The following ARSB variants were observed in gnomAD, a reference collection of about 807,000 sequenced individuals.
ARSB encodes the protein N-acetylgalactosamine-4-sulfatase.
ARSB carries 41 observed loss-of-function variants against 50.9 expected under a neutral mutation model. The ratio of observed to expected loss-of-function variants is 0.81; its 90% CI spans 0.63 to 1.04. The LOEUF (loss-of-function observed/expected upper bound fraction) is 1.04, where lower values mean the gene tolerates loss of function less well. ARSB is among the 50% of genes least tolerant of loss of function. The pLI is 0.00. For missense variants in ARSB, 672 were observed against 693.3 expected (o/e 0.97, Z 0.35); for synonymous variants, 269 against 284.8 (o/e 0.94, Z 0.56).
chr5:78,789,112 A>C (rs73118701), intron 6 of ARSB, among the ~76,000 whole-genome samples: 1,707 of 152,370 alleles, frequency 0.011, 34 homozygotes, highest in African/African-American at 0.039. Flanking sequence ...TTGACCTTGG[A>C]AAGTATTGTA....
At chr5:78,928,446 C>G (rs1404497665) in intron 4 of ARSB, among the ~76,000 whole-genome samples, 1 of 149,374 alleles carries the variant, frequency 6.7e-6, no homozygotes, top group African/African-American at 2.5e-5. Flanking sequence ...CTCTGAGTAG[C>G]TGGGACTACA....
chr5:78,862,747 G>A (rs956470993), intron 5 of ARSB, among the ~76,000 whole-genome samples: 2 of 152,118 alleles, frequency 1.3e-5, no homozygotes, highest in African/African-American at 4.8e-5. Context: ...AGCCAAAATA[G>A]ACAAATGGGA....
At chr5:78,984,911 G>GCGCGGGCGGCGGGGGCGC (rs1345967714) in intron 1 of ARSB, 26 bp downstream of exon 1, 1 of 1,303,946 alleles carries the variant, frequency 7.7e-7, no homozygotes, top group Non-Finnish European at 9.7e-7. Context: ...GGCGGGGGCG[G>GCGCGGGCGGCGGGGGCGC]CGCGGGCGGC....
intron 4 of ARSB, among the ~76,000 whole-genome samples, chr5:78,903,188 C>T (rs889346402): frequency 6.6e-6 from 1 of 152,130 alleles, no homozygotes; most frequent in African/African-American, 2.4e-5. Context: ...CTCTGGTCAG[C>T]TGGGGAGATC....
At chr5:78,857,870 T>C (rs1581051317) in intron 5 of ARSB, among the ~76,000 whole-genome samples, 1 of 152,234 alleles carries the variant, frequency 6.6e-6, no homozygotes, top group Non-Finnish European at 1.5e-5. Context: ...TGGGGTTTCA[T>C]TTGTTTTGGC....
chr5:78,937,642 T>G (rs1420667227), intron 4 of ARSB, among the ~76,000 whole-genome samples: 1 of 151,582 alleles, frequency 6.6e-6, no homozygotes, highest in Non-Finnish European at 1.5e-5. Flanking sequence ...CTGATAAACA[T>G]AGAGATTGAG....
intron 4 of ARSB, among the ~76,000 whole-genome samples, chr5:78,938,499 C>T (rs1750738618): frequency 6.6e-6 from 1 of 152,196 alleles, no homozygotes; most frequent in Non-Finnish European, 1.5e-5. Context: ...AATGTGGACA[C>T]ACTCACTGAT....
intron 5 of ARSB, among the ~76,000 whole-genome samples, chr5:78,873,272 A>T: frequency 6.6e-6 from 1 of 152,098 alleles, no homozygotes; most frequent in Non-Finnish European, 1.5e-5. Flanking sequence ...AATCTTAGAA[A>T]TGACAAAACA....
chr5:78,825,425 A>C (rs1406744780), intron 6 of ARSB, among the ~76,000 whole-genome samples: 1 of 152,240 alleles, frequency 6.6e-6, no homozygotes, highest in African/African-American at 2.4e-5. Context: ...GGAAAGACTA[A>C]GAAAAAAATC....
chr5:78,834,607 G>GTGTGTATATATATATATATA (rs1185355030), intron 6 of ARSB, among the ~76,000 whole-genome samples: 1 of 85,602 alleles, frequency 1.2e-5, no homozygotes, highest in Non-Finnish European at 2.3e-5. Context: ...ATATATATGT[G>GTGTGTATATATATATATATA]TATATATATA....
At chr5:78,882,642 T>C (rs943365518) in intron 5 of ARSB, among the ~76,000 whole-genome samples, 2 of 152,100 alleles carry the variant, frequency 1.3e-5, no homozygotes, top group Non-Finnish European at 2.9e-5. Context: ...GTAAGTTTCT[T>C]GGATGACACA....
At chr5:78,985,858 A>G (rs1753165315), upstream of ARSB, 1 of 152,224 alleles carries the variant, frequency 6.6e-6, no homozygotes, top group African/African-American at 2.4e-5. Context: ...ACACCCATGA[A>G]GCCGCTTCCT....
chr5:78,870,602 C>A (rs1447313779), intron 5 of ARSB, among the ~76,000 whole-genome samples: 1 of 151,104 alleles, frequency 6.6e-6, no homozygotes, highest in Non-Finnish European at 1.5e-5. Flanking sequence ...AAGCCTTTGA[C>A]AAAATTCAAC....
chr5:78,850,797 C>A (rs183691402), intron 5 of ARSB, among the ~76,000 whole-genome samples: 3 of 151,980 alleles, frequency 2.0e-5, no homozygotes, highest in African/African-American at 7.2e-5. Context: ...GGAGGGTGTA[C>A]GTATCCAGTA....
intron 3 of ARSB, among the ~76,000 whole-genome samples, chr5:78,960,693 T>G (rs1302282019): frequency 6.6e-6 from 1 of 152,176 alleles, no homozygotes; most frequent in Non-Finnish European, 1.5e-5. Context: ...GCCTCCTGAC[T>G]AGCTGGGATT....
At chr5:78,847,961 T>G (rs898116412) in intron 5 of ARSB, among the ~76,000 whole-genome samples, 1 of 152,060 alleles carries the variant, frequency 6.6e-6, no homozygotes, top group African/African-American at 2.4e-5. Context: ...TTGATTCATC[T>G]AGCTAATTAT....
chr5:78,905,391 A>G (rs1749017076), intron 4 of ARSB, among the ~76,000 whole-genome samples: 1 of 126,286 alleles, frequency 7.9e-6, no homozygotes, highest in African/African-American at 2.9e-5. Context: ...TCTATTAGAC[A>G]TTTTGAATAC....
intron 6 of ARSB, among the ~76,000 whole-genome samples, chr5:78,800,411 C>A (rs542442014): frequency 1.1e-4 from 17 of 151,956 alleles, no homozygotes; most frequent in Admixed American, 1.1e-3. Flanking sequence ...CCCTCTCCAC[C>A]ATGCATTTTA....
rs1435155976 is a variant in ARSB at position 78,969,116 on chromosome 5, G to A, written c.389C>T (p.Pro130Leu). The A allele has an allele frequency of 6.8e-6, 11 of 1,614,122 alleles. No homozygotes were observed. Among genetic ancestry groups the A allele is most frequent in the Non-Finnish European group, 9.3e-6 (11 of 1,180,014 alleles). Residue 130 changes from proline to leucine, a missense_variant, in exon 2 of 8, where the codon CCC (proline) becomes CTC (leucine). By Grantham distance (98) the Pro-to-Leu change is moderately conservative. Transcript: ENST00000264914. Reference sequence around the variant, plus strand: ...ATAACCTGCTTCTTTTAGGAGCTGGGGCAGGAGTTTTTCATCCAGAGGAAC... The same window carrying A: ...ATAACCTGCTTCTTTTAGGAGCTGGAGCAGGAGTTTTTCATCCAGAGGAAC... ...SCVPLDEKLL[P>L]QLLKEAGYTT...
Sources: gnomAD v4.1 joint callset for allele counts (sites outside exome capture counted in the v4.1 genomes callset) on GRCh38, gnomAD v4.1.1 for gene constraint, MANE v1.5 for transcripts, NCBI Gene and HGNC (gene_info 2026-07-23, HGNC 2026-07-21) for gene names.